Variants in HMCN1 observed in about 807,000 individuals in gnomAD.
HMCN1 encodes the protein hemicentin-1.
A neutral mutation model predicts 625.9 loss-of-function variants in HMCN1; 321 were observed. The observed-to-expected ratio is 0.51, with a 90% CI of 0.47 to 0.56. HMCN1 has a LOEUF of 0.56. Ranked by LOEUF, HMCN1 falls within the 20% of genes least tolerant of loss-of-function variation. HMCN1 has a pLI of 0.00. For synonymous variants in HMCN1, 2,425 were observed against 2,417.6 expected, an observed-to-expected ratio of 1.00 and a Z score of -0.09; for missense variants, 6,588 against 6,887.3, an observed-to-expected ratio of 0.96 and a Z score of 1.54.
intron 36 of HMCN1, among the ~76,000 whole-genome samples, chr1:186,023,854 C>A (rs1234064206): frequency 1.3e-5 from 2 of 152,090 alleles, no homozygotes; most frequent in African/African-American, 4.8e-5. Flanking sequence ...ATTTACCAAG[C>A]AATTAAACCT....
intron 4 of HMCN1, among the ~76,000 whole-genome samples, chr1:185,907,653 T>C (rs770850500): frequency 6.6e-5 from 10 of 152,016 alleles, no homozygotes; most frequent in Non-Finnish European, 1.2e-4. Flanking sequence ...CTGTCTTTCA[T>C]AGTCAGATTA....
chr1:185,964,368 A>T (rs1416462815), intron 13 of HMCN1, among the ~76,000 whole-genome samples: 1 of 152,074 alleles, frequency 6.6e-6, no homozygotes, highest in East Asian at 1.9e-4. Context: ...TTTCTATTTA[A>T]TTTTGTCTTT....
intron 1 of HMCN1, among the ~76,000 whole-genome samples, chr1:185,818,656 T>C (rs1466314653): frequency 6.6e-6 from 1 of 152,190 alleles, no homozygotes; most frequent in Non-Finnish European, 1.5e-5. Flanking sequence ...TATTGACTGA[T>C]GTAATGCTTG....
At chr1:185,973,915 C>G (rs556934954) in intron 15 of HMCN1, among the ~76,000 whole-genome samples, 1 of 152,214 alleles carries the variant, frequency 6.6e-6, no homozygotes, top group East Asian at 1.9e-4. Flanking sequence ...TGTGTCCAGT[C>G]ATTTTAGGAA....
At chr1:185,946,696 C>A (rs1224616809) in intron 11 of HMCN1, among the ~76,000 whole-genome samples, 1 of 152,142 alleles carries the variant, frequency 6.6e-6, no homozygotes, top group African/African-American at 2.4e-5. Flanking sequence ...TTGTCTTCAC[C>A]TGCTTTGGCT....
At chr1:186,144,967 CA>C (rs2102555927) in intron 91 of HMCN1, among the ~76,000 whole-genome samples, 1 of 152,344 alleles carries the variant, frequency 6.6e-6, no homozygotes, top group South Asian at 2.1e-4. Context: ...GCTAACTCTT[CA>C]TGATGCTTAC....
intron 16 of HMCN1, among the ~76,000 whole-genome samples, chr1:185,978,662 A>G (rs1010834321): frequency 6.6e-6 from 1 of 152,004 alleles, no homozygotes; most frequent in African/African-American, 2.4e-5. Context: ...CTGCTAAGTT[A>G]ATTATTTTAA....
At chr1:186,176,862 A>G (rs1201968377) in intron 103 of HMCN1, 1 of 152,456 alleles carries the variant, frequency 6.6e-6, no homozygotes, top group Non-Finnish European at 1.5e-5. Flanking sequence ...AGCCTCTCTG[A>G]GAGACTGGAC....
chr1:186,013,776 C>T (rs969327652), intron 30 of HMCN1, among the ~76,000 whole-genome samples: 1 of 152,046 alleles, frequency 6.6e-6, no homozygotes, highest in Non-Finnish European at 1.5e-5. Flanking sequence ...CTCCCAATAG[C>T]CAAAACTGGA....
intron 4 of HMCN1, among the ~76,000 whole-genome samples, chr1:185,871,825 A>T (rs1261872193): frequency 6.6e-6 from 1 of 152,202 alleles, no homozygotes; most frequent in Non-Finnish European, 1.5e-5. Context: ...GCCATTTAGG[A>T]CTAGACTTTA....
At position 186,142,611 on chromosome 1, in the gene HMCN1, C is replaced by T. The variant is rs1650041656; in HGVS notation, c.13925-1562C>T. 2.0e-5 allele frequency among the ~76,000 whole-genome samples: 3 copies of T among 152,054 alleles called. No individual in the cohort carries two copies. In the South Asian group the frequency reaches 6.2e-4, roughly 32 times the overall value. ...GATAGCATGATGTTTTATGCCAACTCCAGTTTATATTATCATTCTCCCTTT... is the reference window on the plus strand; with the variant it reads ...GATAGCATGATGTTTTATGCCAACTTCAGTTTATATTATCATTCTCCCTTT... On this transcript the variant is annotated intron_variant, in intron 89 of 106. Coordinates refer to ENST00000271588, the MANE Select transcript of HMCN1 (RefSeq NM_031935.3).
At chr1:185,904,956 T>A (rs531743461) in intron 4 of HMCN1, among the ~76,000 whole-genome samples, 37 of 151,962 alleles carry the variant, frequency 2.4e-4, no homozygotes, top group Admixed American at 2.1e-3. Context: ...GAAAAATGCA[T>A]GCATTTTTGC....
intron 71 of HMCN1, among the ~76,000 whole-genome samples, chr1:186,111,329 T>A (rs1660875840): frequency 6.6e-6 from 1 of 152,076 alleles, no homozygotes; most frequent in Admixed American, 6.5e-5. Flanking sequence ...CAGAAAGTAC[T>A]GATATTCATG....
intron 4 of HMCN1, among the ~76,000 whole-genome samples, chr1:185,872,941 A>T (rs1461379474): frequency 6.6e-6 from 1 of 152,104 alleles, no homozygotes; most frequent in African/African-American, 2.4e-5. Context: ...AATGGACATC[A>T]CTCATTAAAA....
intron 68 of HMCN1, among the ~76,000 whole-genome samples, chr1:186,100,604 C>A (rs1403665683): frequency 6.6e-6 from 1 of 152,070 alleles, no homozygotes; most frequent in African/African-American, 2.4e-5. Flanking sequence ...ACAAATAGAA[C>A]TACAGTTTGA....
chr1:185,911,644 T>C, intron 5 of HMCN1, 30 bp from the exon 6 acceptor site: 1 of 1,441,758 alleles, frequency 6.9e-7, no homozygotes, highest in Non-Finnish European at 9.8e-7. Context: ...AGAAGGATTG[T>C]GCTTGTTACC....
rs1022994197 is a variant in HMCN1 at position 186,160,456 on chromosome 1, C to G, written c.15257-4655C>G. Among the ~76,000 whole-genome samples, 3 of 149,710 alleles carry G rather than the reference C, an allele frequency of 2.0e-5. No individual in the cohort carries two copies. The Admixed American group carries it at 2.0e-4, about 10-fold the overall frequency. Reference sequence around the variant, plus strand: ...TCTGATTTTAGTTATTTCTTGCCTTCTGCTAGCTTTTGAATGTGTTTGCTC... The same window carrying G: ...TCTGATTTTAGTTATTTCTTGCCTTGTGCTAGCTTTTGAATGTGTTTGCTC... On this transcript the variant is annotated intron_variant, in intron 97 of 106. Coordinates refer to ENST00000271588, the MANE Select transcript of HMCN1 (RefSeq NM_031935.3).
At chr1:186,183,803 A>G (rs577270312) in intron 105 of HMCN1, among the ~76,000 whole-genome samples, 5 of 152,278 alleles carry the variant, frequency 3.3e-5, no homozygotes, top group African/African-American at 1.2e-4. Flanking sequence ...CACCAGGAGC[A>G]TTGCACTGAG....
intron 1 of HMCN1, among the ~76,000 whole-genome samples, chr1:185,828,726 T>C (rs1660675498): frequency 1.3e-5 from 2 of 152,006 alleles, no homozygotes; most frequent in Admixed American, 1.3e-4. Flanking sequence ...GGGAGGTAAA[T>C]TTTTTAAAAA....
Sources: allele counts gnomAD v4.1 joint callset (sites outside exome capture counted in the v4.1 genomes callset), GRCh38; gene constraint gnomAD v4.1.1; transcripts MANE v1.5; gene names NCBI Gene and HGNC (gene_info 2026-07-23, HGNC 2026-07-21).